KAZN: variants seen among roughly 807,000 people sequenced by gnomAD.
KAZN encodes the protein kazrin, periplakin interacting protein.
KAZN carries 40 observed loss-of-function variants against 87.4 expected under a neutral mutation model. The observed-to-expected ratio is 0.46, with a 90% CI of 0.36 to 0.60. The LOEUF is 0.60. Ranked by LOEUF, KAZN falls within the 20% of genes least tolerant of loss-of-function variation. KAZN has a pLI of 0.00. For missense variants in KAZN, 898 were observed against 1,073.9 expected (o/e 0.84, Z 2.29); for synonymous variants, 466 against 458.3 (o/e 1.02, Z -0.22).
In KAZN at chr1:15,081,598, G is replaced by A. The variant is rs1303572371; in HGVS notation, c.1223-12582G>A. Among the ~76,000 whole-genome samples the A allele has an allele frequency of 6.6e-6, 1 of 152,122 alleles. No homozygotes were observed. The highest frequency in any genetic ancestry group is 1.5e-5 in the Non-Finnish European group (1 of 68,024). Reference sequence around the variant, plus strand: ...TGTGTGTGAGTGTGTGTGTTGGGGAGTTGTAGGGTACCCACACTAGGTGAC... The same window carrying A: ...TGTGTGTGAGTGTGTGTGTTGGGGAATTGTAGGGTACCCACACTAGGTGAC... On this transcript the variant is annotated intron_variant, in intron 8 of 14. Transcript: ENST00000376030. This position sits in a 1 kb window ranked among gnomAD's most constrained non-coding sequence, Gnocchi z 4.1.
Position 14,414,486 on chromosome 1 carries a change from T to G in KAZN, c.250-184497T>G, listed in dbSNP as rs547230451. Among the ~76,000 whole-genome samples, 206 of 152,196 alleles carry G rather than the reference T, an allele frequency of 1.4e-3. 3 individuals carry two copies. Among genetic ancestry groups the G allele is most frequent in the African/African-American group, 5.0e-3 (206 of 41,524 alleles). On this transcript the variant is annotated intron_variant, in intron 2 of 16. Transcript: ENST00000636203. ...TTAAAATGATTGAACCAGGACCACA[T>G]GCATCAACATGGATGAAACTGTAGA... is the stretch of plus-strand genomic sequence containing the variant.
chr1:14,489,091 T>G (rs1324732157), intron 2 of KAZN, among the ~76,000 whole-genome samples: 1 of 152,204 alleles, frequency 6.6e-6, no homozygotes, highest in Non-Finnish European at 1.5e-5. Flanking sequence ...GGAGCCAAAT[T>G]CTTTGGCAAT....
intron 2 of KAZN, among the ~76,000 whole-genome samples, chr1:15,005,861 C>T (rs1192307829): frequency 1.3e-5 from 2 of 152,172 alleles, no homozygotes; most frequent in African/African-American, 4.8e-5. Flanking sequence ...AAACCACTGC[C>T]TCCTGTATTG....
At chr1:15,058,053 C>G (rs1470224180) in intron 5 of KAZN, among the ~76,000 whole-genome samples, 2 of 152,238 alleles carry the variant, frequency 1.3e-5, no homozygotes, top group Non-Finnish European at 2.9e-5. Flanking sequence ...CTTCCGTGCT[C>G]TCTCCCCTGT....
intron 2 of KAZN, among the ~76,000 whole-genome samples, chr1:14,332,064 C>T (rs376328093): frequency 6.6e-6 from 1 of 152,130 alleles, no homozygotes; most frequent in East Asian, 1.9e-4. Flanking sequence ...ATATAGTCTC[C>T]ATCACATTCT....
intron 2 of KAZN, among the ~76,000 whole-genome samples, chr1:14,366,526 G>A (rs550746959): frequency 1.2e-4 from 19 of 152,330 alleles, no homozygotes; most frequent in Non-Finnish European, 2.5e-4. Context: ...CTGCTTCGGC[G>A]CCAGCAGGGG....
intron 1 of KAZN, among the ~76,000 whole-genome samples, chr1:13,894,479 G>A (rs1052257488): frequency 2.0e-5 from 3 of 152,142 alleles, no homozygotes; most frequent in African/African-American, 7.2e-5. Flanking sequence ...CTTAAGACAT[G>A]CTTATGATTG....
intron 2 of KAZN, among the ~76,000 whole-genome samples, chr1:15,012,173 C>T (rs1441555902): frequency 6.6e-6 from 1 of 152,124 alleles, no homozygotes; most frequent in East Asian, 1.9e-4. Context: ...CTCCCAAAGT[C>T]ACCCAGCTAG....
intron 2 of KAZN, among the ~76,000 whole-genome samples, chr1:14,204,637 A>G (rs970794484): frequency 7.9e-5 from 12 of 152,246 alleles, no homozygotes. Flanking sequence ...CCTTAGAATT[A>G]TTAAAAGGTG....
At chr1:14,468,841 A>C (rs1668299719) in intron 2 of KAZN, among the ~76,000 whole-genome samples, 1 of 152,118 alleles carries the variant, frequency 6.6e-6, no homozygotes, top group African/African-American at 2.4e-5. Flanking sequence ...CGTTTGCAAG[A>C]TGGTCTCGCC....
intron 2 of KAZN, among the ~76,000 whole-genome samples, chr1:14,369,756 C>T (rs1265345192): frequency 1.3e-5 from 2 of 152,156 alleles, no homozygotes; most frequent in Non-Finnish European, 2.9e-5. Flanking sequence ...AAAGTAAGCC[C>T]AACGTCCCCA....
At chr1:14,129,062 G>A (rs1206396681) in intron 1 of KAZN, among the ~76,000 whole-genome samples, 1 of 152,248 alleles carries the variant, frequency 6.6e-6, no homozygotes, top group African/African-American at 2.4e-5. Flanking sequence ...CTCAACCAAG[G>A]CCTCCTAAAA....
At chr1:15,085,773 T>C (rs10803349) in intron 8 of KAZN, among the ~76,000 whole-genome samples, 1 of 151,918 alleles carries the variant, frequency 6.6e-6, no homozygotes, top group African/African-American at 2.4e-5. Context: ...AATTAGAAAG[T>C]CCAACTTATA....
At chr1:14,586,754 G>A (rs1675876776) in intron 2 of KAZN, among the ~76,000 whole-genome samples, 1 of 151,996 alleles carries the variant, frequency 6.6e-6, no homozygotes, top group Admixed American at 6.6e-5. Flanking sequence ...TGCCCAGGCT[G>A]ATCTCAAACT....
At chr1:14,753,585 A>T (rs1006120136) in intron 1 of KAZN, among the ~76,000 whole-genome samples, 3 of 137,536 alleles carry the variant, frequency 2.2e-5, no homozygotes, top group East Asian at 2.7e-4. Context: ...ACTTAAAATT[A>T]AAAAAAAATA....
At chr1:14,696,296 A>G (rs1022234044) in intron 1 of KAZN, among the ~76,000 whole-genome samples, 3 of 152,210 alleles carry the variant, frequency 2.0e-5, no homozygotes, top group Admixed American at 1.3e-4. Flanking sequence ...ACGGTGTGCT[A>G]ACAGATTGGC....
chr1:14,770,747 T>C (rs774425854), intron 1 of KAZN, among the ~76,000 whole-genome samples: 4 of 152,152 alleles, frequency 2.6e-5, no homozygotes, highest in Non-Finnish European at 5.9e-5. Context: ...AGTTAGGAAA[T>C]TGAATTTTCA....
At chr1:14,627,921 G>A (rs929871281) in intron 1 of KAZN, among the ~76,000 whole-genome samples, 16 of 152,152 alleles carry the variant, frequency 1.1e-4, no homozygotes, top group Middle Eastern at 3.2e-3. Flanking sequence ...TTTGGGTCAC[G>A]TGTGAATCAC....
intron 1 of KAZN, among the ~76,000 whole-genome samples, chr1:14,666,951 C>T (rs1463809607): frequency 1.3e-5 from 2 of 152,076 alleles, no homozygotes; most frequent in Admixed American, 6.6e-5. Flanking sequence ...GGCCAGGATG[C>T]TCTCGATCTC....
Sources: gnomAD v4.1 joint callset for allele counts (sites outside exome capture counted in the v4.1 genomes callset) on GRCh38, gnomAD v4.1.1 for gene constraint, Gnocchi (gnomAD v3.1) non-coding constraint, MANE v1.5 for transcripts, NCBI Gene and HGNC (gene_info 2026-07-23, HGNC 2026-07-21) for gene names.